Variants in AACS observed in about 807,000 individuals in gnomAD.
The protein encoded by AACS is acetoacetate-CoA ligase.
AACS carries 69 observed loss-of-function variants against 83.1 expected under a neutral mutation model. That is an observed-to-expected ratio of 0.83 (90% CI 0.68 to 1.01). The LOEUF is 1.01. Ranked by LOEUF, AACS falls within the 50% of genes least tolerant of loss-of-function variation. The pLI is 0.00. For missense variants in AACS, 866 were observed against 882.2 expected (o/e 0.98, Z 0.23); for synonymous variants, 333 against 343.4 (o/e 0.97, Z 0.33).
At chr12:125,104,897 G>A (rs1956799330) in intron 7 of AACS, among the ~76,000 whole-genome samples, 1 of 152,116 alleles carries the variant, frequency 6.6e-6, no homozygotes, top group Non-Finnish European at 1.5e-5. Flanking sequence ...CTGTGCGAGA[G>A]GCATGGTGCC....
At position 125,142,234 on chromosome 12, in the gene AACS, G is replaced by T. The variant is rs759623444; in HGVS notation, c.*5G>T. On this transcript the variant is annotated 3_prime_UTR_variant, in exon 18 of 18. Coordinates refer to ENST00000316519, the MANE Select transcript of AACS (RefSeq NM_023928.5). ...CCTGAGCTGCAGGGCTTCTGAGTCA[G>T]ACTGGCTGGCGTGTCACTCAGCCGC... 4 of 1,613,576 alleles carry T rather than the reference G, an allele frequency of 2.5e-6. No individual in the cohort carries two copies. Among genetic ancestry groups the T allele is most frequent in the Non-Finnish European group, 8.5e-7 (1 of 1,179,586 alleles).
intron 3 of AACS, among the ~76,000 whole-genome samples, chr12:125,083,551 T>C (rs1956255221): frequency 6.6e-6 from 1 of 152,214 alleles, no homozygotes; most frequent in South Asian, 2.1e-4. Flanking sequence ...ATCGTTTTTT[T>C]TTTAATTTTT....
rs910908857 is a variant in AACS at position 125,129,530 on chromosome 12, T to G, written c.1549+70T>G. The G allele has an allele frequency of 1.9e-6, 3 of 1,553,450 alleles. No individual in the cohort carries two copies. The African/African-American group carries it at 4.1e-5, about 21-fold the overall frequency. ...GCTGGGCCTTCTGTGTCTAATTCTG[T>G]ACCATCGTGCCCCTCCCCTCTTCCT... On this transcript the variant is annotated intron_variant, in intron 14 of 17. Transcript: ENST00000316519. The surrounding 1 kb of genome is among the most constrained non-coding windows in gnomAD (Gnocchi z 4.3).
At chr12:125,075,324 G>C (rs541646495) in intron 2 of AACS, among the ~76,000 whole-genome samples, 1 of 151,242 alleles carries the variant, frequency 6.6e-6, no homozygotes, top group Non-Finnish European at 1.5e-5. Flanking sequence ...CTTTGAGACC[G>C]AGTCTCGCTT....
At chr12:125,090,596 G>A (rs372669344) in intron 4 of AACS, among the ~76,000 whole-genome samples, 16 of 151,326 alleles carry the variant, frequency 1.1e-4, no homozygotes, top group South Asian at 4.2e-4. Flanking sequence ...TCATCCATCC[G>A]TCTATACATT....
At chr12:125,075,251 G>T (rs1209524772) in intron 2 of AACS, among the ~76,000 whole-genome samples, 1 of 151,454 alleles carries the variant, frequency 6.6e-6, no homozygotes, top group Non-Finnish European at 1.5e-5. Context: ...GGGATTACAG[G>T]CATGAGCCAC....
chr12:125,131,056 C>T (rs1281287196), intron 14 of AACS, among the ~76,000 whole-genome samples: 1 of 152,152 alleles, frequency 6.6e-6, no homozygotes, highest in African/African-American at 2.4e-5. Flanking sequence ...CCTTCGTTTC[C>T]ACAACTCGGA....
At chr12:125,081,736 C>G (rs1174642357) in intron 3 of AACS, among the ~76,000 whole-genome samples, 1 of 152,126 alleles carries the variant, frequency 6.6e-6, no homozygotes, top group Non-Finnish European at 1.5e-5. Flanking sequence ...GAGTAGCTAT[C>G]AGCTTACCGA....
intron 5 of AACS, 154 bp from the exon 6 acceptor site, chr12:125,102,525 T>A (rs1457912711): frequency 5.9e-6 from 4 of 682,352 alleles, no homozygotes; most frequent in Admixed American, 2.0e-5. Flanking sequence ...AATGCAGTGG[T>A]GCAAGCATAG....
At position 125,101,557 on chromosome 12, in the gene AACS, G is replaced by A. The variant is rs1565938399; in HGVS notation, c.571-1122G>A. The A allele has an allele frequency of 2.6e-5, 4 of 152,272 alleles. No homozygotes were observed. In the South Asian group the frequency reaches 8.3e-4, roughly 32 times the overall value. 9.4% of individuals were successfully genotyped at this position (152,272 alleles called of 1,614,324 possible). ...TTGCTTTGCTGTTGTGGCCTCTTTG[G>A]AAGATGAATCTTCTTTTGTATACAC... On this transcript the variant is annotated intron_variant, in intron 5 of 17. Transcript: ENST00000316519.
chr12:125,107,780 A>G (rs1956866566), intron 8 of AACS, among the ~76,000 whole-genome samples: 2 of 152,140 alleles, frequency 1.3e-5, no homozygotes, highest in Non-Finnish European at 2.9e-5. Context: ...TGGCCAATAT[A>G]GCAAAACCCC....
At chr12:125,081,456 G>C (rs762174955) in intron 3 of AACS, among the ~76,000 whole-genome samples, 1 of 152,168 alleles carries the variant, frequency 6.6e-6, no homozygotes, top group Non-Finnish European at 1.5e-5. Flanking sequence ...ATTGTGCTTC[G>C]TTTTCTGCAT....
rs973631816 is a variant in AACS at position 125,128,443 on chromosome 12, C to T, written c.1423+169C>T. The T allele has an allele frequency of 2.5e-5, 13 of 529,188 alleles. 1 individual carries two copies. The highest frequency in any genetic ancestry group is 1.5e-4 in the African/African-American group (8 of 51,840). 32.8% of individuals were successfully genotyped at this position (529,188 alleles called of 1,614,324 possible). A position where few individuals can be genotyped will look rare whatever the true frequency, so the allele number is the denominator to read the frequency against. ...TTTCCCTCCAGCTTGGTTTAACACC[C>T]GCCGGGCTTCTGGTCCCTAGCCTCT... On this transcript the variant is annotated intron_variant, in intron 13 of 17. Coordinates refer to ENST00000316519, the MANE Select transcript of AACS (RefSeq NM_023928.5).
At position 125,083,232 on chromosome 12, in the gene AACS, C is replaced by T. The variant is rs11058032; in HGVS notation, c.359-3098C>T. ...CCACGTGGCTGTTGGTGGGAGGCCT[C>T]GTTCCTCCTCGTGTGGGCTGCCTCC... is the stretch of plus-strand genomic sequence containing the variant. On this transcript the variant is annotated intron_variant, in intron 3 of 17. Transcript: ENST00000316519. Among the ~76,000 whole-genome samples, 835 of 152,312 alleles carry T rather than the reference C, an allele frequency of 5.5e-3. 5 individuals carry two copies. Among genetic ancestry groups the T allele is most frequent in the Non-Finnish European group, 9.5e-3 (643 of 68,030 alleles).
At chr12:125,092,689 C>T (rs867499165) in intron 5 of AACS, 2 of 145,078 alleles carry the variant, frequency 1.4e-5, no homozygotes, top group Non-Finnish European at 3.0e-5. Flanking sequence ...CAGGCCATCT[C>T]ACCCCAGGAC....
intron 9 of AACS, among the ~76,000 whole-genome samples, chr12:125,115,545 C>T (rs887607827): frequency 3.3e-5 from 5 of 152,222 alleles, no homozygotes; most frequent in African/African-American, 1.2e-4. Context: ...CAGGCGTGAG[C>T]CACCGCCCCT....
intron 13 of AACS, chr12:125,128,475 T>A: frequency 2.2e-6 from 1 of 445,494 alleles, no homozygotes; most frequent in Non-Finnish European, 4.0e-6. Flanking sequence ...CTCTGAGAGG[T>A]CAGGGTCGAG....
At chr12:125,107,308 C>T (rs1433493805) in intron 8 of AACS, 40 bp downstream of exon 8, 2 of 1,602,182 alleles carry the variant, frequency 1.2e-6, no homozygotes, top group Non-Finnish European at 1.7e-6. Context: ...CTCCTGTTGT[C>T]TGTTTGCTTC....
In AACS at chr12:125,130,780, T is replaced by C. The variant is rs1957319466; in HGVS notation, c.1549+1320T>C. ...CTTTGTTTTTGTAGTCCTCTTACCT[T>C]TAGGGTAAGATTTTGCTTCTCTTTG... is the stretch of plus-strand genomic sequence containing the variant. On this transcript the variant is annotated intron_variant, in intron 14 of 17. Coordinates refer to ENST00000316519, the MANE Select transcript of AACS (RefSeq NM_023928.5). This position sits in a 1 kb window ranked among gnomAD's most constrained non-coding sequence, Gnocchi z 4.9. Among the ~76,000 whole-genome samples the C allele has an allele frequency of 6.6e-6, 1 of 152,188 alleles. No homozygotes were observed.
Sources: allele counts gnomAD v4.1 joint callset (sites outside exome capture counted in the v4.1 genomes callset), GRCh38; gene constraint gnomAD v4.1.1; non-coding constraint Gnocchi (gnomAD v3.1); transcripts MANE v1.5; gene names NCBI Gene and HGNC (gene_info 2026-07-23, HGNC 2026-07-21).